Variants in CFAP210 observed in about 807,000 individuals in gnomAD.
CFAP210 encodes the protein cilia- and flagella- associated protein 210.
the CFAP210 span, among the ~76,000 whole-genome samples, chr2:169,693,249 G>A: frequency 0.41 from 62,037 of 152,134 alleles, 12,932 homozygotes; most frequent in Non-Finnish European, 0.44. Context: ...TGAGGCTCAG[G>A]TGGAAGCTTT....
chr2:169,647,649 C>T, the CFAP210 span, among the ~76,000 whole-genome samples: 1 of 152,102 alleles, frequency 6.6e-6, no homozygotes. Flanking sequence ...CAGAAGGATT[C>T]CAAATACTGA....
the CFAP210 span, among the ~76,000 whole-genome samples, chr2:169,688,925 C>G: frequency 6.6e-6 from 1 of 152,336 alleles, no homozygotes; most frequent in Admixed American, 6.5e-5. Flanking sequence ...CGTTTTCACA[C>G]TGCTGATAAA....
At chr2:169,647,696 G>A in the CFAP210 span, among the ~76,000 whole-genome samples, 1 of 151,946 alleles carries the variant, frequency 6.6e-6, no homozygotes, top group Non-Finnish European at 1.5e-5. Context: ...AAACTATTTT[G>A]GCACCTGGCC....
At chr2:169,653,287 G>C in the CFAP210 span, among the ~76,000 whole-genome samples, 12 of 151,474 alleles carry the variant, frequency 7.9e-5, no homozygotes, top group African/African-American at 2.9e-4. Context: ...CCTTAGAGCA[G>C]GCAGAGGCCA....
the CFAP210 span, among the ~76,000 whole-genome samples, chr2:169,661,599 C>A: frequency 2.0e-5 from 3 of 152,204 alleles, no homozygotes; most frequent in Non-Finnish European, 4.4e-5. Context: ...ATTAATGGCA[C>A]AACAGACACC....
chr2:169,675,486 C>G, the CFAP210 span, among the ~76,000 whole-genome samples: 1 of 152,154 alleles, frequency 6.6e-6, no homozygotes, highest in African/African-American at 2.4e-5. Flanking sequence ...AGAGCAGAAA[C>G]AAGAAAGTGA....
At chr2:169,656,819 T>G in the CFAP210 span, among the ~76,000 whole-genome samples, 1 of 150,690 alleles carries the variant, frequency 6.6e-6, no homozygotes, top group Non-Finnish European at 1.5e-5. Context: ...CAAAAATTAG[T>G]GGGGTATGGC....
the CFAP210 span, chr2:169,662,281 A>C: frequency 6.3e-7 from 1 of 1,591,764 alleles, no homozygotes; most frequent in South Asian, 1.2e-5. Context: ...TCAACTTACA[A>C]GAAACCGTCT....
the CFAP210 span, among the ~76,000 whole-genome samples, chr2:169,660,426 TTTTTG>T: frequency 2.6e-5 from 4 of 151,680 alleles, no homozygotes; most frequent in Non-Finnish European, 4.4e-5. Context: ...TCACTGTTTT[TTTTTG>T]TTTTGTTTTG....
chr2:169,668,298 T>C, the CFAP210 span, among the ~76,000 whole-genome samples: 1 of 152,332 alleles, frequency 6.6e-6, no homozygotes, highest in Admixed American at 6.5e-5. Flanking sequence ...CATTCTGGAT[T>C]AGGCTTTGGC....
the CFAP210 span, chr2:169,681,102 T>C: frequency 6.8e-6 from 11 of 1,613,972 alleles, no homozygotes; most frequent in East Asian, 2.2e-5. Context: ...GCTGCTTCTC[T>C]TGTCAACCTG....
the CFAP210 span, chr2:169,650,282 T>C: frequency 9.4e-6 from 14 of 1,485,788 alleles, no homozygotes; most frequent in Non-Finnish European, 1.2e-5. Flanking sequence ...AGTGGAAAGG[T>C]CCTAACTCTG....
At chr2:169,685,636 G>T in the CFAP210 span, among the ~76,000 whole-genome samples, 1 of 151,758 alleles carries the variant, frequency 6.6e-6, no homozygotes, top group African/African-American at 2.4e-5. Flanking sequence ...TGTTTTTCTT[G>T]GGTTGATTGT....
At chr2:169,646,214 TA>T in the CFAP210 span, 1 of 1,500,270 alleles carries the variant, frequency 6.7e-7, no homozygotes, top group South Asian at 1.2e-5. Flanking sequence ...TTTAACTTAA[TA>T]TTGGTTAAGA....
the CFAP210 span, among the ~76,000 whole-genome samples, chr2:169,692,286 G>A: frequency 2.0e-5 from 3 of 152,096 alleles, no homozygotes; most frequent in African/African-American, 4.8e-5. Context: ...CCTGAGACTC[G>A]GTAATTCATA....
At chr2:169,657,407 A>G in the CFAP210 span, among the ~76,000 whole-genome samples, 8 of 152,208 alleles carry the variant, frequency 5.3e-5, no homozygotes, top group Non-Finnish European at 1.2e-4. Context: ...CCATTCGGAC[A>G]GAAAGAAGAA....
the CFAP210 span, among the ~76,000 whole-genome samples, chr2:169,693,711 C>T: frequency 6.6e-6 from 1 of 152,016 alleles, no homozygotes; most frequent in Admixed American, 6.5e-5. Flanking sequence ...TTATGTCACA[C>T]GATTTTTTTT....
chr2:169,675,112 A>G, the CFAP210 span: 1 of 1,054,994 alleles, frequency 9.5e-7, no homozygotes, highest in Admixed American at 3.8e-5. Context: ...ACATAATAAT[A>G]TGATAATTTG....
chr2:169,679,798 T>C, the CFAP210 span, among the ~76,000 whole-genome samples: 1 of 151,314 alleles, frequency 6.6e-6, no homozygotes, highest in African/African-American at 2.4e-5. Flanking sequence ...TGGTGAAATC[T>C]AAAATTTTAA....
Sources: gnomAD v4.1 joint callset for allele counts (sites outside exome capture counted in the v4.1 genomes callset) on GRCh38, gnomAD v4.1.1 for gene constraint, MANE v1.5 for transcripts, NCBI Gene and HGNC (gene_info 2026-07-23, HGNC 2026-07-21) for gene names.